The following TLR6 variants were observed in gnomAD, a reference collection of about 807,000 sequenced individuals.
TLR6 encodes the protein toll like receptor 6, also known as toll-like receptor 6.
Under a neutral mutation model 16.1 loss-of-function variants are expected in TLR6, and 9 were observed. That is an observed-to-expected ratio of 0.56 (90% CI 0.34 to 0.98). The LOEUF is 0.98. Among genes scored for constraint, TLR6 ranks in the 50% least tolerant of loss-of-function variants. TLR6 has a pLI of 0.02. For synonymous variants in TLR6, 340 were observed against 338.6 expected (o/e 1.00, Z -0.04); for missense variants, 786 against 921.0 (o/e 0.85, Z 1.90).
exon 2 of TLR6, chr4:38,829,403 G>C (rs762561125): frequency 8.1e-6 from 13 of 1,613,924 alleles, no homozygotes; most frequent in Admixed American, 1.7e-5. Flanking sequence ...CTGGATTCTG[G>C]TTCCAACTAT....
intron 1 of TLR6, among the ~76,000 whole-genome samples, chr4:38,846,610 C>A (rs1440948862): frequency 6.6e-6 from 1 of 152,076 alleles, no homozygotes; most frequent in Non-Finnish European, 1.5e-5. Context: ...AAGAAATTAA[C>A]TCTAAAATAA....
upstream of TLR6, among the ~76,000 whole-genome samples, chr4:38,857,277 A>G (rs983069890): frequency 2.6e-5 from 4 of 152,190 alleles, no homozygotes; most frequent in Non-Finnish European, 5.9e-5. Flanking sequence ...TTAAAAATCA[A>G]CTTCTAAGGA....
At chr4:38,849,708 A>T (rs1712688180) in intron 1 of TLR6, among the ~76,000 whole-genome samples, 1 of 152,250 alleles carries the variant, frequency 6.6e-6, no homozygotes, top group Non-Finnish European at 1.5e-5. Flanking sequence ...TAAAGGGATC[A>T]ATTCAACAAG....
At chr4:38,831,289 C>G (rs1344855297) in intron 1 of TLR6, among the ~76,000 whole-genome samples, 1 of 100,602 alleles carries the variant, frequency 9.9e-6, no homozygotes, top group Non-Finnish European at 2.0e-5. Context: ...TAGACCTCCA[C>G]ATGCAAAAAA....
At chr4:38,851,537 A>C (rs1027402690) in intron 1 of TLR6, among the ~76,000 whole-genome samples, 1 of 152,230 alleles carries the variant, frequency 6.6e-6, no homozygotes, top group African/African-American at 2.4e-5. Flanking sequence ...ACTTCAGCAA[A>C]GTCTCAGGAT....
At chr4:38,859,565 CTT>C (rs372944785), upstream of TLR6, among the ~76,000 whole-genome samples, 17 of 122,042 alleles carry the variant, frequency 1.4e-4, no homozygotes, top group Non-Finnish European at 9.9e-5. Flanking sequence ...GATTATTGGC[CTT>C]TTTTTTTTTT....
the TLR6 span, among the ~76,000 whole-genome samples, chr4:38,862,481 A>C: frequency 6.6e-6 from 1 of 150,880 alleles, no homozygotes; most frequent in African/African-American, 2.4e-5. Context: ...GGGTTTTGCC[A>C]TGTTGGCCAG....
intron 1 of TLR6, among the ~76,000 whole-genome samples, chr4:38,854,174 C>CA (rs1712874551): frequency 6.6e-6 from 1 of 152,006 alleles, no homozygotes; most frequent in Non-Finnish European, 1.5e-5. Flanking sequence ...TGCAATCTCA[C>CA]AAAAAATAAA....
exon 2 of TLR6, chr4:38,828,821 T>C: frequency 6.2e-7 from 1 of 1,614,096 alleles, no homozygotes. Context: ...CCCTAAAGTA[T>C]TAACTGATAT....
At chr4:38,838,903 AGAAGGAAGGAAGGGAGGGAGGGAGGGAAG>A (rs1712075494) in intron 1 of TLR6, among the ~76,000 whole-genome samples, 1 of 130,284 alleles carries the variant, frequency 7.7e-6, no homozygotes, top group South Asian at 3.0e-4. Context: ...AGAGAAAAAG[AGAAGGAAGGAAGGGAGGGAGGGAGGGAAG>A]GAAGGAAGGA....
At chr4:38,842,306 A>G (rs972671752) in intron 1 of TLR6, among the ~76,000 whole-genome samples, 1 of 152,182 alleles carries the variant, frequency 6.6e-6, no homozygotes, top group African/African-American at 2.4e-5. Flanking sequence ...TATCTTAAGG[A>G]GGAACTACCT....
chr4:38,858,758 GGA>G (rs143473786), upstream of TLR6, among the ~76,000 whole-genome samples: 8,691 of 51,906 alleles, frequency 0.17, 928 homozygotes, highest in Non-Finnish European at 0.21. Flanking sequence ...AGAGAGAGAG[GGA>G]GAGAGAGAGA....
upstream of TLR6, among the ~76,000 whole-genome samples, chr4:38,857,663 A>C (rs761427473): frequency 1.6e-4 from 24 of 152,146 alleles, no homozygotes; most frequent in South Asian, 1.5e-3. Context: ...ATTAAAAAAA[A>C]AACAACAACA....
chr4:38,823,595 T>C (rs976358511), downstream of TLR6: 3 of 152,238 alleles, frequency 2.0e-5, no homozygotes, highest in Non-Finnish European at 4.4e-5. Context: ...AATTGTGGCA[T>C]TGGACGGGGG....
intron 1 of TLR6, among the ~76,000 whole-genome samples, chr4:38,831,293 C>CAAAA (rs59585432): frequency 5.0e-5 from 7 of 140,454 alleles, no homozygotes; most frequent in African/African-American, 1.6e-4. Flanking sequence ...CCTCCACATG[C>CAAAA]AAAAAAAAAA....
At chr4:38,828,093 T>C in exon 2 of TLR6, 1 of 1,614,238 alleles carries the variant, frequency 6.2e-7, no homozygotes, top group South Asian at 1.1e-5. Flanking sequence ...CTCTTTATTT[T>C]ATTGCTGTGA....
rs1161394443 is a variant in TLR6, at chr4:38,828,781, A to T, written c.693T>A (p.Asn231Lys). Reference sequence around the variant, plus strand: ...TAATGAAAACTTGACAGTTGTCATCATTCAATTTAATATTAGTCAGTTGTA... The same window carrying T: ...TAATGAAAACTTGACAGTTGTCATCTTTCAATTTAATATTAGTCAGTTGTA... The change falls in exon 2 of 2, where the codon AAT (asparagine) becomes AAA (lysine). Residue 231 changes from asparagine to lysine, a missense_variant. Asn to Lys is a moderately conservative substitution (Grantham distance 94). Coordinates refer to ENST00000436693, the Ensembl canonical transcript of TLR6. The T allele has an allele frequency of 1.9e-6, 3 of 1,613,870 alleles. No individual in the cohort carries two copies. The South Asian group carries it at 3.3e-5, about 18-fold the overall frequency.
chr4:38,851,588 C>T (rs1020255705), intron 1 of TLR6, among the ~76,000 whole-genome samples: 1 of 152,082 alleles, frequency 6.6e-6, no homozygotes, highest in Non-Finnish European at 1.5e-5. Context: ...TCTTATACAT[C>T]AATAACAGAC....
exon 2 of TLR6, chr4:38,829,282 G>A (rs571333775): frequency 1.9e-5 from 31 of 1,614,184 alleles, no homozygotes; most frequent in East Asian, 1.1e-4. Context: ...GAAGCTCAGC[G>A]ATGTAGTTCT....
Sources: allele counts gnomAD v4.1 joint callset (sites outside exome capture counted in the v4.1 genomes callset), GRCh38; gene constraint gnomAD v4.1.1; transcripts MANE v1.5; gene names NCBI Gene and HGNC (gene_info 2026-07-23, HGNC 2026-07-21).